MACF1: variants seen among roughly 807,000 people sequenced by gnomAD.
MACF1 encodes microtubule-actin cross-linking factor 1.
Under a neutral mutation model 854.8 loss-of-function variants are expected in MACF1, and 193 were observed. That is an observed-to-expected ratio of 0.23 (90% CI 0.20 to 0.25). MACF1 has a LOEUF of 0.25. MACF1 is among the 10% of genes least tolerant of loss of function. The probability of loss-of-function intolerance (pLI) is 1.00; values close to 1 mark genes in which losing one functional copy is unlikely to be tolerated. For synonymous variants in MACF1, 3,185 were observed against 3,226.7 expected (o/e 0.99, Z 0.44); for missense variants, 7,722 against 8,929.1 (o/e 0.86, Z 5.45).
At chr1:39,330,314 A>G (rs972320993) in intron 36 of MACF1, among the ~76,000 whole-genome samples, 2 of 152,182 alleles carry the variant, frequency 1.3e-5, no homozygotes, top group Admixed American at 6.5e-5. Flanking sequence ...CCCACTTGCT[A>G]AATAGTTGCT....
At chr1:39,278,983 C>G (rs994391453) in intron 6 of MACF1, among the ~76,000 whole-genome samples, 1 of 152,152 alleles carries the variant, frequency 6.6e-6, no homozygotes, top group Non-Finnish European at 1.5e-5. Flanking sequence ...CCAAGTGATT[C>G]AAGAATTTGA....
intron 2 of MACF1, among the ~76,000 whole-genome samples, chr1:39,161,683 G>A (rs969104299): frequency 2.0e-5 from 3 of 152,002 alleles, no homozygotes; most frequent in African/African-American, 7.2e-5. Flanking sequence ...TGGCCAATAT[G>A]ATGAAACTCC....
intron 64 of MACF1, 50 bp from the exon 65 acceptor site, chr1:39,429,777 C>T: frequency 6.3e-7 from 1 of 1,576,982 alleles, no homozygotes; most frequent in Non-Finnish European, 8.7e-7. Flanking sequence ...TCAGAGACTC[C>T]TCATTCCTAG....
rs1646430063 is a variant in MACF1, at chr1:39,317,205, T to G, written c.3589-9T>G. ...TATACAACCTGTTTCTGTACTTATG[T>G]TTCCACAGCACTGGCTTAGTGATGT... On this transcript the variant is annotated splice_polypyrimidine_tract_variant and intron_variant, in intron 28 of 100. Coordinates refer to ENST00000564288, the MANE Select transcript of MACF1 (RefSeq NM_001394062.1). 1 of 1,612,572 alleles carries G rather than the reference T, an allele frequency of 6.2e-7. No individual in the cohort carries two copies. The highest frequency in any genetic ancestry group is 8.5e-7 in the Non-Finnish European group (1 of 1,179,398).
intron 26 of MACF1, among the ~76,000 whole-genome samples, chr1:39,313,029 T>A (rs1646333300): frequency 6.6e-6 from 1 of 152,232 alleles, no homozygotes; most frequent in Non-Finnish European, 1.5e-5. Context: ...TTCTTTAACT[T>A]GAAATAGTTT....
chr1:39,141,960 C>G (rs1342214136), intron 2 of MACF1, among the ~76,000 whole-genome samples: 1 of 152,168 alleles, frequency 6.6e-6, no homozygotes, highest in Non-Finnish European at 1.5e-5. Flanking sequence ...TGCCTGTGCT[C>G]TCTGTTTGCC....
chr1:39,169,262 T>G (rs2148218723), intron 2 of MACF1, among the ~76,000 whole-genome samples: 1 of 152,294 alleles, frequency 6.6e-6, no homozygotes, highest in Non-Finnish European at 1.5e-5. Flanking sequence ...GCAGCTACTT[T>G]CCTAGTATTT....
chr1:39,429,407 A>G, intron 64 of MACF1, 81 bp downstream of exon 64: 1 of 791,352 alleles, frequency 1.3e-6, no homozygotes, highest in Non-Finnish European at 2.2e-6. Context: ...TCCCTGCCTT[A>G]GCCTCTTCTT....
chr1:39,439,158 C>A, intron 71 of MACF1, 116 bp from the exon 72 acceptor site: 3 of 556,114 alleles, frequency 5.4e-6, no homozygotes, highest in South Asian at 2.9e-5. Flanking sequence ...AAATGCTTAG[C>A]ATTTTTTTAA....
intron 25 of MACF1, 132 bp from the exon 26 acceptor site, chr1:39,310,699 A>T: frequency 1.1e-6 from 1 of 917,010 alleles, no homozygotes; most frequent in Non-Finnish European, 1.6e-6. Context: ...AGTATACAGT[A>T]TGTGAAATTT....
At chr1:39,296,780 G>GGAAGGAAGGAAGGAAGGA (rs370451952) in intron 20 of MACF1, among the ~76,000 whole-genome samples, 1 of 71,706 alleles carries the variant, frequency 1.4e-5, no homozygotes, top group Non-Finnish European at 2.7e-5. Flanking sequence ...GGAAAAGAAA[G>GGAAGGAAGGAAGGAAGGA]AAAGAAAGAA....
At chr1:39,414,141 G>T (rs1643177208) in intron 58 of MACF1, 1 of 1,608,560 alleles carries the variant, frequency 6.2e-7, no homozygotes, top group Non-Finnish European at 8.5e-7. Context: ...ACCTAGAGGA[G>T]CCCGCCTCCC....
In MACF1 at chr1:39,411,510, C is replaced by A. The variant is rs192682381; in HGVS notation, c.15817-10864C>A. The A allele has an allele frequency of 7.4e-6, 12 of 1,613,404 alleles. No homozygotes were observed. The African/African-American group carries it at 1.5e-4, about 20-fold the overall frequency. On this transcript the variant is annotated intron_variant, in intron 58 of 100. Coordinates refer to ENST00000564288, the MANE Select transcript of MACF1 (RefSeq NM_001394062.1). The stretch of plus-strand genomic sequence containing the variant: ...TGGCTACTGTTCCCAAGGATATACC[C>A]CTGGATTGCGATTGTGTTCTTACAG...
chr1:39,411,574 CAG>C (rs1478101477), intron 58 of MACF1: 1 of 1,613,678 alleles, frequency 6.2e-7, no homozygotes, highest in Non-Finnish European at 8.5e-7. Context: ...CAGAACTGCT[CAG>C]GGGTTAGAGG....
At chr1:39,337,828 G>T (rs1646845433) in intron 38 of MACF1, among the ~76,000 whole-genome samples, 1 of 149,952 alleles carries the variant, frequency 6.7e-6, no homozygotes, top group Non-Finnish European at 1.5e-5. Flanking sequence ...GGAGTGCAGT[G>T]GCGTGATCTC....
intron 52 of MACF1, among the ~76,000 whole-genome samples, chr1:39,377,035 G>C (rs1210594356): frequency 6.6e-6 from 1 of 151,618 alleles, no homozygotes; most frequent in Non-Finnish European, 1.5e-5. Context: ...TTTTGAGATG[G>C]AGTCTTGCTC....
At chr1:39,453,249 A>G (rs1361884894) in intron 87 of MACF1, among the ~76,000 whole-genome samples, 1 of 152,116 alleles carries the variant, frequency 6.6e-6, no homozygotes, top group Non-Finnish European at 1.5e-5. Flanking sequence ...TTCCCTTTTT[A>G]AATTTTTATG....
At chr1:39,397,313 G>A (rs189482010) in intron 58 of MACF1, among the ~76,000 whole-genome samples, 137 of 152,284 alleles carry the variant, frequency 9.0e-4, no homozygotes, top group African/African-American at 3.0e-3. Flanking sequence ...TGTCATCTCA[G>A]CACTTTGGGA....
intron 2 of MACF1, among the ~76,000 whole-genome samples, chr1:39,151,722 A>G (rs1363543389): frequency 1.3e-5 from 2 of 152,180 alleles, no homozygotes; most frequent in Non-Finnish European, 2.9e-5. Flanking sequence ...TTGCTTCTGT[A>G]TATCTTTATC....
Sources: gnomAD v4.1 joint callset for allele counts (sites outside exome capture counted in the v4.1 genomes callset) on GRCh38, gnomAD v4.1.1 for gene constraint, MANE v1.5 for transcripts, NCBI Gene and HGNC (gene_info 2026-07-23, HGNC 2026-07-21) for gene names.